Variants in SLC25A12 observed in about 807,000 individuals in gnomAD.
SLC25A12 encodes the protein electrogenic aspartate/glutamate antiporter SLC25A12, mitochondrial.
SLC25A12 carries 32 observed loss-of-function variants against 83.3 expected under a neutral mutation model. The observed-to-expected ratio is 0.38, with a 90% CI of 0.29 to 0.52. SLC25A12 has a LOEUF of 0.52. SLC25A12 is among the 20% of genes least tolerant of loss of function. The probability of loss-of-function intolerance (pLI) is 0.84; values close to 1 mark genes in which losing one functional copy is unlikely to be tolerated. For missense variants in SLC25A12, 611 were observed against 835.6 expected (o/e 0.73, Z 3.31); for synonymous variants, 267 against 291.1 (o/e 0.92, Z 0.84).
At chr2:171,867,406 G>A (rs1000979101) in intron 3 of SLC25A12, among the ~76,000 whole-genome samples, 40 of 152,262 alleles carry the variant, frequency 2.6e-4, no homozygotes, top group African/African-American at 7.0e-4. Context: ...CAAGGCTGGC[G>A]GATCACTCGC....
intron 2 of SLC25A12, among the ~76,000 whole-genome samples, chr2:171,869,233 A>G (rs927163164): frequency 6.6e-6 from 1 of 152,216 alleles, no homozygotes; most frequent in Non-Finnish European, 1.5e-5. Flanking sequence ...GGGATGATGA[A>G]AATGTTCTGG....
At chr2:171,888,143 G>T in intron 2 of SLC25A12, among the ~76,000 whole-genome samples, 1 of 137,578 alleles carries the variant, frequency 7.3e-6, no homozygotes. Context: ...CACCCATGCT[G>T]GAGTGCAGTG....
At position 171,791,446 on chromosome 2, in the gene SLC25A12, G is replaced by C. The variant is rs1334325649; in HGVS notation, c.1585+5C>G. ...TCTTTCAGTTAAAAAAAAATTTGTA[G>C]TTACCTGCCATGGCTCCAGCTGCAA... is the stretch of plus-strand genomic sequence containing the variant. On this transcript the variant is annotated splice_donor_5th_base_variant and intron_variant, in intron 15 of 17. Transcript: ENST00000422440. 2 of 1,613,510 alleles carry C rather than the reference G, an allele frequency of 1.2e-6. No homozygotes were observed. The highest frequency in any genetic ancestry group is 1.7e-6 in the Non-Finnish European group (2 of 1,179,610).
At chr2:171,888,968 C>T (rs1685878688) in intron 2 of SLC25A12, among the ~76,000 whole-genome samples, 1 of 152,042 alleles carries the variant, frequency 6.6e-6, no homozygotes, top group Admixed American at 6.6e-5. Context: ...CCCCAAAATC[C>T]TCCCCAAACT....
At chr2:171,810,430 C>T (rs1490344285) in intron 11 of SLC25A12, 154 bp from the exon 12 acceptor site, 1 of 705,096 alleles carries the variant, frequency 1.4e-6, no homozygotes, top group Admixed American at 2.1e-5. Flanking sequence ...ACTCTGTATA[C>T]ATATGTAATA....
At chr2:171,871,068 G>A (rs1337615315) in intron 2 of SLC25A12, among the ~76,000 whole-genome samples, 1 of 152,128 alleles carries the variant, frequency 6.6e-6, no homozygotes, top group Non-Finnish European at 1.5e-5. Flanking sequence ...TGGGCATGGT[G>A]GTGCACACCT....
chr2:171,864,461 G>C (rs959043322), intron 3 of SLC25A12, among the ~76,000 whole-genome samples: 6 of 152,068 alleles, frequency 3.9e-5, no homozygotes, highest in African/African-American at 1.4e-4. Flanking sequence ...TACACTACCA[G>C]GCTAAAAATA....
intron 2 of SLC25A12, among the ~76,000 whole-genome samples, chr2:171,872,526 G>A (rs1476110090): frequency 6.6e-6 from 1 of 152,168 alleles, no homozygotes; most frequent in Non-Finnish European, 1.5e-5. Context: ...ATACAAGGAA[G>A]TCTAAAAACA....
intron 2 of SLC25A12, among the ~76,000 whole-genome samples, chr2:171,884,782 A>G (rs1430537108): frequency 1.4e-5 from 2 of 146,524 alleles, no homozygotes; most frequent in African/African-American, 4.9e-5. Flanking sequence ...TCCCCCACCA[A>G]AAAAAAAAAA....
intron 12 of SLC25A12, 92 bp from the exon 13 acceptor site, chr2:171,809,778 T>G: frequency 1.1e-6 from 1 of 924,616 alleles, no homozygotes; most frequent in South Asian, 1.3e-5. Flanking sequence ...AATATTTGTC[T>G]TATGATAAAA....
intron 9 of SLC25A12, among the ~76,000 whole-genome samples, chr2:171,816,183 A>G (rs62182368): frequency 0.09 from 13,588 of 150,652 alleles, 857 homozygotes; most frequent in South Asian, 0.18. Flanking sequence ...CCAACGACTC[A>G]GCCTCCGAAG....
intron 3 of SLC25A12, among the ~76,000 whole-genome samples, chr2:171,861,737 T>C (rs1242628609): frequency 2.0e-5 from 3 of 152,184 alleles, no homozygotes; most frequent in African/African-American, 7.2e-5. Context: ...CCTTTTCCTT[T>C]TATCCTGCCA....
At position 171,793,129 on chromosome 2, in the gene SLC25A12, T is replaced by G. The variant is rs937992280; in HGVS notation, c.1446+498A>C. ...TACACTCTGTTGTTGGTTTGTTTTT[T>G]TTTTTTTTAATGGAATTCATTATTG... is the stretch of plus-strand genomic sequence containing the variant. On this transcript the variant is annotated intron_variant, in intron 14 of 17. Transcript: ENST00000422440. Among the ~76,000 whole-genome samples the G allele has an allele frequency of 5.3e-5, 8 of 152,098 alleles. No homozygotes were observed. In the East Asian group the frequency reaches 1.5e-3, roughly 29 times the overall value.
At chr2:171,865,194 C>T (rs549202041) in intron 3 of SLC25A12, among the ~76,000 whole-genome samples, 3 of 152,162 alleles carry the variant, frequency 2.0e-5, no homozygotes, top group African/African-American at 2.4e-5. Flanking sequence ...AAGAAATATA[C>T]TTGGTTATTT....
chr2:171,790,139 T>C (rs932128489), intron 15 of SLC25A12, among the ~76,000 whole-genome samples: 8 of 152,132 alleles, frequency 5.3e-5, no homozygotes, highest in African/African-American at 1.7e-4. Flanking sequence ...ATCGCAACAC[T>C]CTCAGGCCCA....
intron 2 of SLC25A12, among the ~76,000 whole-genome samples, chr2:171,869,455 G>C (rs570847439): frequency 6.6e-6 from 1 of 152,224 alleles, no homozygotes; most frequent in African/African-American, 2.4e-5. Context: ...CTGTCTACAA[G>C]AGCACCAGGG....
intron 2 of SLC25A12, among the ~76,000 whole-genome samples, chr2:171,878,322 G>T (rs1685614779): frequency 1.3e-5 from 2 of 152,178 alleles, no homozygotes; most frequent in South Asian, 2.1e-4. Flanking sequence ...AAAAATTGCT[G>T]TCCTATTGTG....
At chr2:171,884,379 C>T (rs1016989784) in intron 2 of SLC25A12, among the ~76,000 whole-genome samples, 57 of 151,600 alleles carry the variant, frequency 3.8e-4, no homozygotes, top group Non-Finnish European at 7.1e-4. Flanking sequence ...TTAGTAGAGA[C>T]GGGGTTTCAC....
intron 13 of SLC25A12, among the ~76,000 whole-genome samples, chr2:171,800,323 T>TCACACACACA (rs60362750): frequency 6.7e-6 from 1 of 149,428 alleles, no homozygotes; most frequent in Admixed American, 6.7e-5. Context: ...AACAGATACT[T>TCACACACACA]CACACACACA....
Sources: gnomAD v4.1 joint callset for allele counts (sites outside exome capture counted in the v4.1 genomes callset) on GRCh38, gnomAD v4.1.1 for gene constraint, MANE v1.5 for transcripts, NCBI Gene and HGNC (gene_info 2026-07-23, HGNC 2026-07-21) for gene names.